The following GRM1 variants were observed in gnomAD, a reference collection of about 807,000 sequenced individuals.
GRM1 encodes the protein glutamate metabotropic receptor 1, also known as metabotropic glutamate receptor 1.
A neutral mutation model predicts 90.9 loss-of-function variants in GRM1; 33 were observed. The observed-to-expected ratio is 0.36, with a 90% CI of 0.28 to 0.49. The LOEUF is 0.49. Ranked by LOEUF, GRM1 falls within the 20% of genes least tolerant of loss-of-function variation. GRM1 has a pLI of 0.99. For synonymous variants in GRM1, 700 were observed against 613.2 expected, an observed-to-expected ratio of 1.14 and a Z score of -2.09; for missense variants, 1,190 against 1,534.3, an observed-to-expected ratio of 0.78 and a Z score of 3.75.
intron 6 of GRM1, among the ~76,000 whole-genome samples, chr6:146,394,591 C>T (rs775787914): frequency 6.6e-6 from 1 of 152,048 alleles, no homozygotes; most frequent in Non-Finnish European, 1.5e-5. Context: ...ATCAGTGTAT[C>T]AAGGTTCCCT....
chr6:146,379,628 T>TGCTA (rs1370755190), intron 5 of GRM1, among the ~76,000 whole-genome samples: 1 of 152,176 alleles, frequency 6.6e-6, no homozygotes. Flanking sequence ...ATGGTGTTGA[T>TGCTA]GCTAGTACAT....
chr6:146,313,692 G>A (rs1158939753), intron 3 of GRM1, among the ~76,000 whole-genome samples: 2 of 152,060 alleles, frequency 1.3e-5, no homozygotes, highest in African/African-American at 4.8e-5. Context: ...CCTTTTTATA[G>A]TTTTATTAAG....
chr6:146,207,892 G>A (rs145019469), intron 2 of GRM1, among the ~76,000 whole-genome samples: 2 of 152,176 alleles, frequency 1.3e-5, no homozygotes, highest in East Asian at 1.9e-4. Context: ...TGTAAAAGTC[G>A]CACCTAGTAC....
At chr6:146,259,262 T>G (rs1781594722) in intron 2 of GRM1, among the ~76,000 whole-genome samples, 1 of 152,204 alleles carries the variant, frequency 6.6e-6, no homozygotes, top group South Asian at 2.1e-4. Flanking sequence ...TACTACTGTG[T>G]TTTTCCTCTC....
At chr6:146,148,779 T>C (rs1371537979) in intron 1 of GRM1, among the ~76,000 whole-genome samples, 26 of 152,196 alleles carry the variant, frequency 1.7e-4, no homozygotes, top group Non-Finnish European at 2.9e-5. Context: ...GATATTATCA[T>C]TAACAAGTAT....
intron 5 of GRM1, among the ~76,000 whole-genome samples, chr6:146,381,512 G>A (rs1341464009): frequency 1.3e-5 from 2 of 152,142 alleles, no homozygotes; most frequent in African/African-American, 4.8e-5. Flanking sequence ...AGAAAGGGTG[G>A]CATCGGTGAT....
At chr6:146,320,754 G>A (rs374565900) in intron 3 of GRM1, among the ~76,000 whole-genome samples, 14 of 152,022 alleles carry the variant, frequency 9.2e-5, no homozygotes, top group Non-Finnish European at 1.3e-4. Flanking sequence ...GTTTATTTGC[G>A]TAGAGGTGTT....
At chr6:146,397,960 A>G (rs1223770376) in intron 6 of GRM1, among the ~76,000 whole-genome samples, 2 of 152,224 alleles carry the variant, frequency 1.3e-5, no homozygotes, top group Non-Finnish European at 2.9e-5. Context: ...TTGTGATTAC[A>G]AAATTCTGTG....
intron 3 of GRM1, among the ~76,000 whole-genome samples, chr6:146,314,997 G>A (rs1204317439): frequency 6.6e-6 from 1 of 152,056 alleles, no homozygotes; most frequent in African/African-American, 2.4e-5. Context: ...CTAATGACTG[G>A]GAGATTGCCT....
chr6:146,330,512 T>C (rs1385492465), intron 3 of GRM1, among the ~76,000 whole-genome samples: 1 of 152,204 alleles, frequency 6.6e-6, no homozygotes, highest in Non-Finnish European at 1.5e-5. Flanking sequence ...AGAGATATTT[T>C]TGATCCAGTC....
chr6:146,158,820 G>A (rs1777609224), intron 1 of GRM1, among the ~76,000 whole-genome samples: 1 of 152,142 alleles, frequency 6.6e-6, no homozygotes, highest in Non-Finnish European at 1.5e-5. Context: ...TTTTGACAAA[G>A]CCCTATAGCT....
chr6:146,433,960 G>T lies in GRM1; in HGVS notation c.2749G>T (p.Val917Leu). 6.2e-7 allele frequency: 1 copy of T among 1,613,878 alleles called. No individual in the cohort carries two copies. Among genetic ancestry groups the T allele is most frequent in the East Asian group, 2.2e-5 (1 of 44,864 alleles). ...QHMWHRLSVHVKTNETACNQT... is the reference protein window; with the variant it reads ...QHMWHRLSVHLKTNETACNQT... Reference sequence around the variant, plus strand: ...TATGTGGCACCGCCTCTCTGTGCACGTGAAGACCAATGAGACGGCCTGCAA... The same window carrying T: ...TATGTGGCACCGCCTCTCTGTGCACTTGAAGACCAATGAGACGGCCTGCAA... Residue 917 changes from valine (V) to leucine (L), a missense_variant, in exon 8 of 8, where the codon GTG (valine) becomes TTG (leucine). Around this residue, in one of 10 missense-constraint regions of GRM1, gnomAD observed 400 missense variants for 360.8 expected, o/e 1.11. Transcript: ENST00000282753.
intron 4 of GRM1, among the ~76,000 whole-genome samples, chr6:146,354,351 G>A (rs1366028902): frequency 6.6e-6 from 1 of 152,056 alleles, no homozygotes; most frequent in African/African-American, 2.4e-5. Flanking sequence ...CTCAATAAGG[G>A]TCAGAATTAG....
chr6:146,058,328 G>A (rs2128852463), intron 1 of GRM1, among the ~76,000 whole-genome samples: 1 of 152,214 alleles, frequency 6.6e-6, no homozygotes, highest in Admixed American at 6.5e-5. Flanking sequence ...ATTGCGATAA[G>A]TGAGTCACAC....
chr6:146,293,326 G>C (rs1783059482), intron 2 of GRM1, among the ~76,000 whole-genome samples: 1 of 151,968 alleles, frequency 6.6e-6, no homozygotes, highest in Admixed American at 6.6e-5. Context: ...ACAATGGAGA[G>C]GAGATGCTTG....
intron 2 of GRM1, among the ~76,000 whole-genome samples, chr6:146,226,365 T>C (rs1780239070): frequency 6.6e-6 from 1 of 152,084 alleles, no homozygotes; most frequent in South Asian, 2.1e-4. Flanking sequence ...AAAAAAGAGA[T>C]GAAAAGAAAC....
At chr6:146,306,084 A>G (rs927510830) in intron 3 of GRM1, among the ~76,000 whole-genome samples, 9 of 152,200 alleles carry the variant, frequency 5.9e-5, no homozygotes, top group Admixed American at 5.9e-4. Context: ...GCAGAGTTCA[A>G]TGGGAAATTG....
At chr6:146,397,505 A>AT (rs1491163620) in intron 6 of GRM1, among the ~76,000 whole-genome samples, 1 of 147,864 alleles carries the variant, frequency 6.8e-6, no homozygotes, top group Non-Finnish European at 1.5e-5. Flanking sequence ...AAAAAAAAAA[A>AT]GCACAAAAGC....
chr6:146,114,877 A>G (rs745821164), intron 1 of GRM1, among the ~76,000 whole-genome samples: 1 of 152,116 alleles, frequency 6.6e-6, no homozygotes, highest in Non-Finnish European at 1.5e-5. Flanking sequence ...ATAATAAGAA[A>G]TTTAGATTAG....
Sources: allele counts gnomAD v4.1 joint callset (sites outside exome capture counted in the v4.1 genomes callset), GRCh38; gene constraint gnomAD v4.1.1; regional missense constraint gnomAD v4.1.1; transcripts MANE v1.5; gene names NCBI Gene and HGNC (gene_info 2026-07-23, HGNC 2026-07-21).